The following DNAAF4 variants were observed in gnomAD, a reference collection of about 807,000 sequenced individuals.
DNAAF4 encodes the protein dynein axonemal assembly factor 4, also known as dynein assembly factor 4, axonemal.
Under a neutral mutation model 51.8 loss-of-function variants are expected in DNAAF4, and 43 were observed. The observed-to-expected ratio is 0.83, with a 90% confidence interval of 0.65 to 1.07. The LOEUF (loss-of-function observed/expected upper bound fraction) is 1.07. Ranked by LOEUF, DNAAF4 falls within the 50% of genes least tolerant of loss-of-function variation. The pLI is 0.00. For synonymous variants in DNAAF4, 194 were observed against 165.6 expected, an observed-to-expected ratio of 1.17 and a Z score of -1.32; for missense variants, 581 against 493.0, an observed-to-expected ratio of 1.18 and a Z score of -1.69.
At chr15:55,440,209 T>C (rs1225593704) in intron 6 of DNAAF4, among the ~76,000 whole-genome samples, 2 of 148,406 alleles carry the variant, frequency 1.3e-5, no homozygotes, top group Non-Finnish European at 3.0e-5. Flanking sequence ...TGTGCCACCA[T>C]GCCTGGCTAA....
intron 1 of DNAAF4, among the ~76,000 whole-genome samples, chr15:55,500,258 C>T (rs2058688810): frequency 6.6e-6 from 1 of 152,194 alleles, no homozygotes; most frequent in Admixed American, 6.5e-5. Context: ...ACTACCTTAG[C>T]AGTTCATCAT....
At chr15:55,474,853 G>A (rs1048684359) in intron 4 of DNAAF4, among the ~76,000 whole-genome samples, 6 of 151,520 alleles carry the variant, frequency 4.0e-5, no homozygotes, top group Admixed American at 6.6e-5. Context: ...AGTGGCGCAC[G>A]CCGTAATCCC....
chr15:55,433,821 T>C, intron 8 of DNAAF4, among the ~76,000 whole-genome samples: 1 of 86,018 alleles, frequency 1.2e-5, no homozygotes, highest in African/African-American at 4.4e-5. Context: ...TAATATATAT[T>C]ATATATATTA....
chr15:55,495,173 TTTAAAACTCTTTAGGTAGTC>T (rs1401871791), intron 3 of DNAAF4: 4 of 147,274 alleles, frequency 2.7e-5, no homozygotes, highest in Non-Finnish European at 5.9e-5. Flanking sequence ...AACCTGATTC[TTTAAAACTCTTTAGGTAGTC>T]TGGGGCTCAC....
At chr15:55,464,679 A>G (rs1309516739) in intron 5 of DNAAF4, among the ~76,000 whole-genome samples, 1 of 152,094 alleles carries the variant, frequency 6.6e-6, no homozygotes, top group Non-Finnish European at 1.5e-5. Flanking sequence ...AAGATATACA[A>G]ATGTCCCGCC....
downstream of DNAAF4, among the ~76,000 whole-genome samples, chr15:55,427,357 C>T (rs780743846): frequency 5.3e-5 from 8 of 152,256 alleles, no homozygotes; most frequent in South Asian, 2.1e-4. Flanking sequence ...TGAGCCACCG[C>T]GCCCAGCCAG....
intron 4 of DNAAF4, among the ~76,000 whole-genome samples, chr15:55,471,486 T>A (rs1419708671): frequency 1.3e-5 from 2 of 151,980 alleles, no homozygotes; most frequent in East Asian, 3.9e-4. Context: ...TTTTTTATGA[T>A]GTCATAAAGA....
chr15:55,450,532 C>T (rs2057916220), intron 5 of DNAAF4, among the ~76,000 whole-genome samples, 165 bp from the exon 6 acceptor site: 1 of 152,144 alleles, frequency 6.6e-6, no homozygotes, highest in Non-Finnish European at 1.5e-5. Flanking sequence ...GATAATATAG[C>T]AGCTAATGAC....
intron 3 of DNAAF4, among the ~76,000 whole-genome samples, chr15:55,494,540 T>G (rs1451428437): frequency 6.6e-6 from 1 of 152,060 alleles, no homozygotes; most frequent in Non-Finnish European, 1.5e-5. Context: ...GCCTCCCAAG[T>G]AGCTGGGACT....
At chr15:55,420,125 A>T (rs1489461286) in intron 7 of DNAAF4, among the ~76,000 whole-genome samples, 1 of 152,242 alleles carries the variant, frequency 6.6e-6, no homozygotes, top group African/African-American at 2.4e-5. Context: ...AGAATTGCTC[A>T]AATTGAGACC....
intron 4 of DNAAF4, among the ~76,000 whole-genome samples, chr15:55,473,281 A>G (rs796602016): frequency 1.8e-5 from 2 of 112,830 alleles, no homozygotes; most frequent in Non-Finnish European, 3.5e-5. Context: ...GTGTATATAT[A>G]TGTGTATATA....
At chr15:55,452,784 A>G (rs1302498972) in intron 5 of DNAAF4, among the ~76,000 whole-genome samples, 1 of 152,248 alleles carries the variant, frequency 6.6e-6, no homozygotes, top group African/African-American at 2.4e-5. Context: ...AAAAGCTGAC[A>G]CAAAGCTGTT....
At chr15:55,506,239 C>A (rs960670290) in intron 1 of DNAAF4, among the ~76,000 whole-genome samples, 1 of 152,134 alleles carries the variant, frequency 6.6e-6, no homozygotes, top group East Asian at 1.9e-4. Flanking sequence ...GAAACACAAC[C>A]CCACAATAAA....
intron 4 of DNAAF4, 127 bp from the exon 5 acceptor site, chr15:55,467,288 G>A: frequency 2.3e-6 from 2 of 886,888 alleles, no homozygotes; most frequent in South Asian, 1.7e-5. Flanking sequence ...GTAACAATAG[G>A]TAGTAGTGAA....
At chr15:55,431,919 T>A (rs2057501949) in intron 9 of DNAAF4, among the ~76,000 whole-genome samples, 1 of 152,028 alleles carries the variant, frequency 6.6e-6, no homozygotes, top group East Asian at 1.9e-4. Context: ...ACCCAGCATT[T>A]ATCACACGTT....
chr15:55,443,640 T>G (rs1293151833), intron 6 of DNAAF4, among the ~76,000 whole-genome samples: 5 of 152,356 alleles, frequency 3.3e-5, no homozygotes, highest in Middle Eastern at 3.4e-3. Flanking sequence ...CCACAATGGT[T>G]GAACTAGTTT....
intron 1 of DNAAF4, among the ~76,000 whole-genome samples, chr15:55,507,070 C>T (rs553218556): frequency 4.0e-4 from 61 of 152,022 alleles, no homozygotes; most frequent in Non-Finnish European, 7.8e-4. Context: ...AGGCTGGTCT[C>T]GAACTTCTGA....
chr15:55,435,466 C>G (rs1211460421), intron 7 of DNAAF4, among the ~76,000 whole-genome samples: 1 of 152,120 alleles, frequency 6.6e-6, no homozygotes, highest in African/African-American at 2.4e-5. Context: ...CACATTGTTG[C>G]TGACCGTTTT....
In DNAAF4 at chr15:55,432,375, A is replaced by G. The variant is rs570080538; in HGVS notation, c.1153+122T>C. On this transcript the variant is annotated intron_variant, in intron 9 of 9. Transcript: ENST00000321149. ...AGATATACTGCAGACATTACTAAGA[A>G]TAAATTAAATGCTAAAAATATTTAA... 7 of 659,174 alleles carry G rather than the reference A, an allele frequency of 1.1e-5. No individual in the cohort carries two copies. In the South Asian group the frequency reaches 1.5e-4, roughly 14 times the overall value. 40.8% of individuals were successfully genotyped at this position (659,174 alleles called of 1,614,324 possible).
Sources: gnomAD v4.1 joint callset for allele counts (sites outside exome capture counted in the v4.1 genomes callset) on GRCh38, gnomAD v4.1.1 for gene constraint, MANE v1.5 for transcripts, NCBI Gene and HGNC (gene_info 2026-07-23, HGNC 2026-07-21) for gene names.